FNBP1L: variants seen among roughly 807,000 people sequenced by gnomAD.
The protein encoded by FNBP1L is formin-binding protein 1-like.
A neutral mutation model predicts 91.2 loss-of-function variants in FNBP1L; 36 were observed. That is an observed-to-expected ratio of 0.39 (90% CI 0.30 to 0.52). FNBP1L has a LOEUF of 0.52. FNBP1L is among the 20% of genes least tolerant of loss of function. The pLI is 0.66. For synonymous variants in FNBP1L, 242 were observed against 237.0 expected (o/e 1.02, Z -0.19); for missense variants, 571 against 732.1 (o/e 0.78, Z 2.54).
chr1:93,513,966 GA>G (rs1391324691), intron 2 of FNBP1L, among the ~76,000 whole-genome samples: 1 of 152,102 alleles, frequency 6.6e-6, no homozygotes, highest in African/African-American at 2.4e-5. Flanking sequence ...ATTAGGAAAA[GA>G]GGAAGTCAAA....
intron 2 of FNBP1L, among the ~76,000 whole-genome samples, chr1:93,509,538 G>T (rs934346221): frequency 6.6e-6 from 1 of 152,228 alleles, no homozygotes; most frequent in Non-Finnish European, 1.5e-5. Context: ...GGTAAAACGT[G>T]TCCCCTACAG....
At chr1:93,507,672 G>A (rs1331280180) in intron 2 of FNBP1L, among the ~76,000 whole-genome samples, 4 of 151,886 alleles carry the variant, frequency 2.6e-5, no homozygotes, top group Admixed American at 2.0e-4. Context: ...TTTATGAGAC[G>A]GAGTTTCACG....
rs1032304378 is a variant in FNBP1L, at chr1:93,544,136, G to A, written c.1194G>A (p.Leu398=). 1.2e-6 allele frequency: 2 copies of A among 1,610,220 alleles called. No homozygotes were observed. The highest frequency in any genetic ancestry group is 1.7e-6 in the Non-Finnish European group (2 of 1,177,748). ...CAGCACTAGAAGATTTCAGTCATCT[G>A]CCACCAGAACAGAGACGTAAAAAAC... ...MGPALEDFSH[L]PPEQRRKKLQ... is the part of the protein sequence containing the mutation. Residue 398 remains leucine, a synonymous_variant, in exon 12 of 17, where the codon CTG becomes CTA. Transcript: ENST00000271234.
intron 1 of FNBP1L, among the ~76,000 whole-genome samples, chr1:93,486,709 C>G (rs1669919672): frequency 1.3e-5 from 2 of 152,202 alleles, no homozygotes; most frequent in Non-Finnish European, 2.9e-5. Context: ...CGTGCTCCTA[C>G]TACCACATCT....
intron 3 of FNBP1L, 86 bp downstream of exon 3, chr1:93,522,221 T>G: frequency 1.7e-6 from 1 of 589,588 alleles, no homozygotes; most frequent in Non-Finnish European, 2.5e-6. Flanking sequence ...TATTCTTAGC[T>G]TTTTATAAAG....
intron 14 of FNBP1L, 60 bp downstream of exon 14, chr1:93,547,501 T>TAAA: frequency 7.2e-7 from 1 of 1,390,456 alleles, no homozygotes; most frequent in Non-Finnish European, 9.9e-7. Flanking sequence ...CCTTTTGTCC[T>TAAA]AAACTTTATA....
chr1:93,451,098 G>A (rs997894082), intron 1 of FNBP1L, among the ~76,000 whole-genome samples: 9 of 152,154 alleles, frequency 5.9e-5, no homozygotes, highest in Non-Finnish European at 1.2e-4. Flanking sequence ...TGTATTCTGG[G>A]TAATACCAAG....
At chr1:93,472,873 T>A (rs1414731639) in intron 1 of FNBP1L, among the ~76,000 whole-genome samples, 27 of 141,966 alleles carry the variant, frequency 1.9e-4, no homozygotes, top group Admixed American at 1.8e-3. Context: ...TAGTTTACCA[T>A]AAAGCTGTTA....
At chr1:93,484,864 AAGAC>A (rs1233654430) in intron 1 of FNBP1L, among the ~76,000 whole-genome samples, 4 of 152,196 alleles carry the variant, frequency 2.6e-5, no homozygotes, top group Non-Finnish European at 5.9e-5. Flanking sequence ...ACAGAAGTGA[AAGAC>A]AGCTCCTGGG....
intron 1 of FNBP1L, among the ~76,000 whole-genome samples, chr1:93,472,955 T>C (rs984207343): frequency 6.6e-6 from 1 of 152,116 alleles, no homozygotes; most frequent in African/African-American, 2.4e-5. Flanking sequence ...TTAGCTTTTT[T>C]ATAGTATAGA....
intron 10 of FNBP1L, among the ~76,000 whole-genome samples, chr1:93,540,260 CTG>C (rs201675136): frequency 0.018 from 2,782 of 152,118 alleles, 38 homozygotes; most frequent in African/African-American, 0.021. Flanking sequence ...TCTTCAGAAT[CTG>C]TGTCATTTCA....
At chr1:93,489,198 G>T (rs992885235) in intron 1 of FNBP1L, among the ~76,000 whole-genome samples, 178 of 152,232 alleles carry the variant, frequency 1.2e-3, no homozygotes, top group African/African-American at 4.1e-3. Context: ...CTAGAGAGGG[G>T]CAAGGACAGT....
At chr1:93,543,968 TTTTTTTTTTAAG>T in intron 11 of FNBP1L, 127 bp from the exon 12 acceptor site, 1 of 364,642 alleles carries the variant, frequency 2.7e-6, no homozygotes, top group South Asian at 5.5e-5. Context: ...TGTAGATTTC[TTTTTTTTTTAAG>T]GGGTTGCTTG....
chr1:93,475,425 G>T (rs971578858), intron 1 of FNBP1L, among the ~76,000 whole-genome samples: 7 of 152,124 alleles, frequency 4.6e-5, no homozygotes, highest in African/African-American at 1.7e-4. Context: ...TGTGGTCCCA[G>T]CTATTTGGGA....
At chr1:93,464,574 GTTGT>G (rs1669010177) in intron 1 of FNBP1L, among the ~76,000 whole-genome samples, 1 of 151,848 alleles carries the variant, frequency 6.6e-6, no homozygotes, top group Non-Finnish European at 1.5e-5. Flanking sequence ...ATGTTAATTG[GTTGT>G]TTGACATGTT....
intron 11 of FNBP1L, 62 bp downstream of exon 11, chr1:93,541,118 T>G (rs1672029956): frequency 6.8e-7 from 1 of 1,476,218 alleles, no homozygotes; most frequent in Admixed American, 2.0e-5. Context: ...AACATTGTTT[T>G]GTTTAATTCA....
intron 1 of FNBP1L, among the ~76,000 whole-genome samples, chr1:93,482,943 A>G (rs1415827162): frequency 3.3e-5 from 5 of 151,258 alleles, no homozygotes; most frequent in African/African-American, 4.9e-5. Flanking sequence ...GCTTGAACCC[A>G]GGAGGCGGAG....
Position 93,529,649 on chromosome 1 carries a change from CAG to C in FNBP1L, c.406_407del. 1 of 1,459,690 alleles carries C rather than the reference CAG, an allele frequency of 6.9e-7. No homozygotes were observed. Among genetic ancestry groups the C allele is most frequent in the Non-Finnish European group, 9.1e-7 (1 of 1,102,164 alleles). The allele number at this position is 1,459,690 out of a possible 1,614,324, so 90.4% of individuals were successfully genotyped here. A position where few individuals can be genotyped will look rare whatever the true frequency, so the allele number is the denominator to read the frequency against. The stretch of plus-strand genomic sequence containing the variant: ...CAGTGTGATATTTTAATTTTTTTAA[CAG>C]AGTAAAAAGAAGTTTGAAAGAGAAT... On this transcript the variant is annotated splice_acceptor_variant, in intron 5 of 16. Coordinates refer to ENST00000271234, the MANE Select transcript of FNBP1L (RefSeq NM_001164473.3). LOFTEE classifies it high-confidence loss of function.
intron 1 of FNBP1L, among the ~76,000 whole-genome samples, chr1:93,452,626 G>A (rs149746497): frequency 1.3e-5 from 2 of 152,256 alleles, no homozygotes; most frequent in African/African-American, 4.8e-5. Context: ...ATGGGGTCTT[G>A]CTATATTCTC....
Sources: allele counts gnomAD v4.1 joint callset (sites outside exome capture counted in the v4.1 genomes callset), GRCh38; gene constraint gnomAD v4.1.1; transcripts MANE v1.5; gene names NCBI Gene and HGNC (gene_info 2026-07-23, HGNC 2026-07-21).